Variants in LHFPL6 observed in about 807,000 individuals in gnomAD.
LHFPL6 encodes LHFPL tetraspan subfamily member 6 protein.
LHFPL6 carries 9 observed loss-of-function variants against 20.6 expected under a neutral mutation model. That is an observed-to-expected ratio of 0.44 (90% confidence interval 0.26 to 0.76). LHFPL6 has a LOEUF of 0.76. Among genes scored for constraint, LHFPL6 ranks in the 30% least tolerant of loss-of-function variants. LHFPL6 has a pLI of 0.20. For missense variants in LHFPL6, 218 were observed against 253.5 expected, an observed-to-expected ratio of 0.86 and a Z score of 0.95; for synonymous variants, 105 against 98.7, an observed-to-expected ratio of 1.06 and a Z score of -0.38.
chr13:39,584,719 T>C (rs1383558234), intron 2 of LHFPL6, among the ~76,000 whole-genome samples: 3 of 151,874 alleles, frequency 2.0e-5, no homozygotes, highest in African/African-American at 7.3e-5. Context: ...AATTTTCCCT[T>C]TAGATTGGGT....
intron 2 of LHFPL6, among the ~76,000 whole-genome samples, chr13:39,409,408 T>A (rs1394405391): frequency 1.3e-5 from 2 of 151,972 alleles, no homozygotes; most frequent in Non-Finnish European, 2.9e-5. Flanking sequence ...GAGCTGGGAT[T>A]GCACCACTGC....
intron 2 of LHFPL6, among the ~76,000 whole-genome samples, chr13:39,507,417 A>C (rs1869523531): frequency 6.6e-6 from 1 of 152,132 alleles, no homozygotes; most frequent in Non-Finnish European, 1.5e-5. Flanking sequence ...TCTCTACATC[A>C]CATCCACTTT....
chr13:39,595,251 G>A (rs1305396999), intron 2 of LHFPL6, among the ~76,000 whole-genome samples: 2 of 152,042 alleles, frequency 1.3e-5, no homozygotes, highest in Non-Finnish European at 1.5e-5. Context: ...AGCTTAGAGT[G>A]CATGCTCTCA....
At chr13:39,390,177 C>A (rs1870668696) in intron 2 of LHFPL6, among the ~76,000 whole-genome samples, 1 of 151,838 alleles carries the variant, frequency 6.6e-6, no homozygotes. Context: ...GTAGTAAAAT[C>A]TACATTTGTT....
At chr13:39,548,638 T>C (rs1555267560) in intron 2 of LHFPL6, among the ~76,000 whole-genome samples, 1 of 152,100 alleles carries the variant, frequency 6.6e-6, no homozygotes, top group Non-Finnish European at 1.5e-5. Context: ...CTCATAAGTC[T>C]ATGGTGCATG....
intron 2 of LHFPL6, among the ~76,000 whole-genome samples, chr13:39,413,703 T>C (rs564472897): frequency 4.6e-5 from 7 of 152,094 alleles, no homozygotes; most frequent in South Asian, 2.1e-4. Flanking sequence ...AACATGCATA[T>C]TGACAAGTGT....
intron 2 of LHFPL6, among the ~76,000 whole-genome samples, chr13:39,556,580 G>C (rs1446857815): frequency 6.6e-6 from 1 of 152,188 alleles, no homozygotes; most frequent in African/African-American, 2.4e-5. Flanking sequence ...TAAGCAGTAA[G>C]ACATTCAAGA....
intron 2 of LHFPL6, among the ~76,000 whole-genome samples, chr13:39,438,478 AG>A (rs1872024473): frequency 6.6e-6 from 1 of 152,382 alleles, no homozygotes; most frequent in East Asian, 1.9e-4. Context: ...TTTTCAGGGG[AG>A]GAATTCAACC....
At chr13:39,386,997 T>G (rs892600811) in intron 2 of LHFPL6, among the ~76,000 whole-genome samples, 1 of 152,184 alleles carries the variant, frequency 6.6e-6, no homozygotes, top group African/African-American at 2.4e-5. Context: ...CAGCGAGCTA[T>G]AGGTTTTGCC....
intron 2 of LHFPL6, among the ~76,000 whole-genome samples, chr13:39,410,362 T>C (rs1391715006): frequency 6.6e-6 from 1 of 152,192 alleles, no homozygotes; most frequent in Non-Finnish European, 1.5e-5. Flanking sequence ...CCCATTGCCA[T>C]GGTGAAAACC....
At chr13:39,369,046 C>A (rs1870085516) in intron 3 of LHFPL6, among the ~76,000 whole-genome samples, 1 of 144,150 alleles carries the variant, frequency 6.9e-6, no homozygotes, top group Non-Finnish European at 1.5e-5. Flanking sequence ...AAGTACTTTA[C>A]ATCTGAAAAG....
At chr13:39,346,614 T>G (rs559323716) in intron 3 of LHFPL6, among the ~76,000 whole-genome samples, 1 of 152,100 alleles carries the variant, frequency 6.6e-6, no homozygotes, top group African/African-American at 2.4e-5. Context: ...TCCTGCCCCT[T>G]CTCAAACGCC....
chr13:39,529,278 G>A (rs1170718261), intron 2 of LHFPL6, among the ~76,000 whole-genome samples: 3 of 152,086 alleles, frequency 2.0e-5, no homozygotes, highest in Non-Finnish European at 4.4e-5. Context: ...TTTTAATAGA[G>A]ACAGGGTTTC....
In LHFPL6 at chr13:39,375,920, T is replaced by C. The variant is rs75902941; in HGVS notation, c.484+2508A>G. ...TCTCATTAACCAATCTAAGGAAATT[T>C]AGAAACGCATGATCAGAAATGAAAA... On this transcript the variant is annotated intron_variant, in intron 3 of 3. Transcript: ENST00000379589. Among the ~76,000 whole-genome samples the C allele has an allele frequency of 6.3e-3, 958 of 152,204 alleles. 17 individuals are homozygous for C. The highest frequency in any genetic ancestry group is 0.022 in the African/African-American group (925 of 41,528).
chr13:39,363,052 A>G (rs1593285802), intron 3 of LHFPL6, among the ~76,000 whole-genome samples: 1 of 152,178 alleles, frequency 6.6e-6, no homozygotes, highest in East Asian at 1.9e-4. Flanking sequence ...AATATTTCCC[A>G]CTGAAAAAAG....
At chr13:39,514,695 C>CA (rs1869842756) in intron 2 of LHFPL6, among the ~76,000 whole-genome samples, 1 of 152,166 alleles carries the variant, frequency 6.6e-6, no homozygotes, top group African/African-American at 2.4e-5. Flanking sequence ...AGCACAGCTC[C>CA]AAAAACAGGA....
At chr13:39,542,308 A>G (rs1487424197) in intron 2 of LHFPL6, among the ~76,000 whole-genome samples, 6 of 152,064 alleles carry the variant, frequency 3.9e-5, no homozygotes, top group African/African-American at 1.4e-4. Flanking sequence ...TGTGGAAGAA[A>G]TGAAAGAATG....
At chr13:39,349,602 G>A (rs1869505710) in intron 3 of LHFPL6, among the ~76,000 whole-genome samples, 1 of 152,176 alleles carries the variant, frequency 6.6e-6, no homozygotes, top group Non-Finnish European at 1.5e-5. Context: ...AAGGAAATAA[G>A]CATTAAGCAA....
At chr13:39,565,283 T>A (rs367976472) in intron 2 of LHFPL6, among the ~76,000 whole-genome samples, 2 of 152,020 alleles carry the variant, frequency 1.3e-5, no homozygotes, top group African/African-American at 4.8e-5. Flanking sequence ...AAAAATCCAG[T>A]ACAGTTCAAA....
Sources: gnomAD v4.1 joint callset for allele counts (sites outside exome capture counted in the v4.1 genomes callset) on GRCh38, gnomAD v4.1.1 for gene constraint, MANE v1.5 for transcripts, NCBI Gene and HGNC (gene_info 2026-07-23, HGNC 2026-07-21) for gene names.